Variants in ORC5 observed in about 807,000 individuals in gnomAD.
ORC5 encodes the protein origin recognition complex subunit 5.
Under a neutral mutation model 58.8 loss-of-function variants are expected in ORC5, and 39 were observed. That is an observed-to-expected ratio of 0.66 (90% CI 0.51 to 0.87). The LOEUF (loss-of-function observed/expected upper bound fraction) is 0.87, where lower values mean the gene tolerates loss of function less well. Among genes scored for constraint, ORC5 ranks in the 40% least tolerant of loss-of-function variants. The probability of loss-of-function intolerance (pLI) is 0.00; values close to 1 mark genes in which losing one functional copy is unlikely to be tolerated. For synonymous variants in ORC5, 218 were observed against 177.6 expected (o/e 1.23, Z -1.81); for missense variants, 493 against 506.3 (o/e 0.97, Z 0.25).
At chr7:104,203,348 C>A (rs926492285) in intron 2 of ORC5, among the ~76,000 whole-genome samples, 1 of 152,128 alleles carries the variant, frequency 6.6e-6, no homozygotes, top group Non-Finnish European at 1.5e-5. Flanking sequence ...TTTCACAATA[C>A]AGTAGAGTCA....
intron 5 of ORC5, among the ~76,000 whole-genome samples, 177 bp from the exon 6 acceptor site, chr7:104,188,558 T>C (rs1220044994): frequency 6.6e-6 from 1 of 151,932 alleles, no homozygotes; most frequent in African/African-American, 2.4e-5. Flanking sequence ...TAATAAAAAA[T>C]ATATATTTGA....
chr7:104,142,790 G>A (rs940884341), intron 12 of ORC5, among the ~76,000 whole-genome samples: 3 of 152,122 alleles, frequency 2.0e-5, no homozygotes, highest in Non-Finnish European at 2.9e-5. Flanking sequence ...CCCTGAGCTC[G>A]TATCTCTTAA....
At chr7:104,185,792 T>A (rs1359055413) in intron 6 of ORC5, among the ~76,000 whole-genome samples, 2 of 151,448 alleles carry the variant, frequency 1.3e-5, no homozygotes, top group East Asian at 3.9e-4. Context: ...TCCATTTATT[T>A]AAAAAAAATA....
intron 5 of ORC5, among the ~76,000 whole-genome samples, chr7:104,189,157 T>C (rs1799616376): frequency 6.6e-6 from 1 of 152,038 alleles, no homozygotes; most frequent in Non-Finnish European, 1.5e-5. Context: ...AGCCCTGTAT[T>C]GTCACATACA....
At chr7:104,197,497 G>A (rs892297225) in intron 4 of ORC5, among the ~76,000 whole-genome samples, 1 of 152,028 alleles carries the variant, frequency 6.6e-6, no homozygotes, top group African/African-American at 2.4e-5. Flanking sequence ...AGAAAGCAGT[G>A]ACTTCATAAT....
chr7:104,158,399 T>C (rs1047246807), intron 12 of ORC5, among the ~76,000 whole-genome samples: 1 of 152,050 alleles, frequency 6.6e-6, no homozygotes, highest in Non-Finnish European at 1.5e-5. Flanking sequence ...GCAATACCAT[T>C]CAGGACATAG....
Position 104,160,929 on chromosome 7 carries a change from A to G in ORC5, c.1149+143T>C, listed in dbSNP as rs1385347447. Reference sequence around the variant, plus strand: ...AAAGATTCTATATACGTAATTTTCAATTACTTACCAAAAACATGGTTCATT... The same window carrying G: ...AAAGATTCTATATACGTAATTTTCAGTTACTTACCAAAAACATGGTTCATT... On this transcript the variant is annotated intron_variant, in intron 12 of 13. Coordinates refer to ENST00000297431, the MANE Select transcript of ORC5 (RefSeq NM_002553.4). 4.7e-5 allele frequency: 27 copies of G among 578,412 alleles called. No homozygotes were observed. The East Asian group carries it at 8.8e-4, about 19-fold the overall frequency. The allele number at this position is 578,412 out of a possible 1,614,324, so 35.8% of individuals were successfully genotyped here.
rs139814002 is a variant in ORC5, at chr7:104,140,720, A to C, written c.1150-3827T>G. On this transcript the variant is annotated intron_variant, in intron 12 of 13. Coordinates refer to ENST00000297431, the MANE Select transcript of ORC5 (RefSeq NM_002553.4). The stretch of plus-strand genomic sequence containing the variant: ...CTTGCTTTATTCCAAGAATGTCTCC[A>C]GCTGATGACAACAGAGCACAAAGCA... Among the ~76,000 whole-genome samples the C allele has an allele frequency of 4.8e-3, 725 of 152,292 alleles. 8 individuals carry two copies. Among genetic ancestry groups the C allele is most frequent in the African/African-American group, 0.016 (682 of 41,566 alleles).
At position 104,206,013 on chromosome 7, in the gene ORC5, A is replaced by C. The variant is rs546946055; in HGVS notation, c.73-1779T>G. Reference sequence around the variant, plus strand: ...AGAAAGCCAAACCCTGTCTCAAAAAACAAAAACAAAAAATTCTGTCTCAAG... The same window carrying C: ...AGAAAGCCAAACCCTGTCTCAAAAACCAAAAACAAAAAATTCTGTCTCAAG... On this transcript the variant is annotated intron_variant, in intron 1 of 13. Coordinates refer to ENST00000297431, the MANE Select transcript of ORC5 (RefSeq NM_002553.4). 1.8e-4 allele frequency among the ~76,000 whole-genome samples: 28 copies of C among 152,318 alleles called. No individual in the cohort carries two copies. The South Asian group carries it at 5.4e-3, about 29-fold the overall frequency.
intron 8 of ORC5, 42 bp from the exon 9 acceptor site, chr7:104,168,567 A>T (rs1306893930): frequency 2.0e-5 from 26 of 1,303,358 alleles, no homozygotes; most frequent in Non-Finnish European, 2.6e-5. Flanking sequence ...AAAAATAAAT[A>T]AAATCAATAT....
intron 8 of ORC5, among the ~76,000 whole-genome samples, chr7:104,180,031 CT>C (rs764519742): frequency 6.6e-6 from 1 of 152,178 alleles, no homozygotes; most frequent in Non-Finnish European, 1.5e-5. Flanking sequence ...ATTCTGTACA[CT>C]TGGCTTTTCT....
chr7:104,174,366 T>C (rs1339317503), intron 8 of ORC5, among the ~76,000 whole-genome samples: 1 of 152,190 alleles, frequency 6.6e-6, no homozygotes, highest in Non-Finnish European at 1.5e-5. Flanking sequence ...ACAAGATTTA[T>C]GGGATTTTCT....
At chr7:104,132,990 G>A (rs551028773) in intron 13 of ORC5, among the ~76,000 whole-genome samples, 4 of 152,262 alleles carry the variant, frequency 2.6e-5, no homozygotes, top group African/African-American at 9.6e-5. Flanking sequence ...AAGCAGAATG[G>A]TGAATATAAA....
At chr7:104,159,744 T>C (rs545500803) in intron 12 of ORC5, among the ~76,000 whole-genome samples, 6 of 152,240 alleles carry the variant, frequency 3.9e-5, no homozygotes, top group African/African-American at 1.4e-4. Flanking sequence ...GGTTTACTCA[T>C]TGCATCATAT....
intron 12 of ORC5, among the ~76,000 whole-genome samples, chr7:104,140,058 G>A (rs1199005330): frequency 6.6e-6 from 1 of 151,956 alleles, no homozygotes; most frequent in African/African-American, 2.4e-5. Context: ...AGCTTACAGT[G>A]TATTTTTTTC....
At chr7:104,161,549 A>G (rs1320174285) in intron 11 of ORC5, among the ~76,000 whole-genome samples, 6 of 151,992 alleles carry the variant, frequency 3.9e-5, no homozygotes, top group Non-Finnish European at 8.8e-5. Flanking sequence ...TTTACAAATT[A>G]TTTTGTAAAG....
At chr7:104,171,702 A>C (rs1799213816) in intron 8 of ORC5, among the ~76,000 whole-genome samples, 1 of 152,090 alleles carries the variant, frequency 6.6e-6, no homozygotes, top group Non-Finnish European at 1.5e-5. Flanking sequence ...AAAATACAAA[A>C]AATTAGACAG....
At chr7:104,177,517 A>C (rs1335742846) in intron 8 of ORC5, among the ~76,000 whole-genome samples, 2 of 152,206 alleles carry the variant, frequency 1.3e-5, no homozygotes, top group Non-Finnish European at 2.9e-5. Flanking sequence ...AATTCTGTAC[A>C]CAAAGTATAC....
At chr7:104,128,361 G>A (rs187379533) in intron 13 of ORC5, among the ~76,000 whole-genome samples, 66 of 152,286 alleles carry the variant, frequency 4.3e-4, no homozygotes, top group African/African-American at 1.5e-3. Flanking sequence ...GACCTCAGGT[G>A]ATCTGCCCGC....
Sources: gnomAD v4.1 joint callset for allele counts (sites outside exome capture counted in the v4.1 genomes callset) on GRCh38, gnomAD v4.1.1 for gene constraint, MANE v1.5 for transcripts, NCBI Gene and HGNC (gene_info 2026-07-23, HGNC 2026-07-21) for gene names.